Variants in MPP7 observed in about 807,000 individuals in gnomAD.
The protein encoded by MPP7 is MAGUK p55 subfamily member 7.
In MPP7, 60 loss-of-function variants were observed where a neutral mutation model predicts 76.5. That is an observed-to-expected ratio of 0.78 (90% CI 0.64 to 0.97). The LOEUF is 0.97. Among genes scored for constraint, MPP7 ranks in the 50% least tolerant of loss-of-function variants. MPP7 has a pLI of 0.00. For synonymous variants in MPP7, 237 were observed against 244.5 expected (o/e 0.97, Z 0.29); for missense variants, 641 against 694.0 (o/e 0.92, Z 0.86).
intron 2 of MPP7, among the ~76,000 whole-genome samples, chr10:28,219,561 A>T (rs2134056533): frequency 6.6e-6 from 1 of 152,330 alleles, no homozygotes; most frequent in Non-Finnish European, 1.5e-5. Context: ...AATGATAAAA[A>T]AAGATGTTCT....
intron 11 of MPP7, among the ~76,000 whole-genome samples, chr10:28,104,879 G>A (rs1564632459): frequency 6.6e-6 from 1 of 152,048 alleles, no homozygotes; most frequent in African/African-American, 2.4e-5. Context: ...ATTAGAATAA[G>A]TATTTAGACC....
intron 12 of MPP7, among the ~76,000 whole-genome samples, chr10:28,083,519 T>C (rs980553397): frequency 1.3e-5 from 2 of 149,738 alleles, no homozygotes; most frequent in East Asian, 4.0e-4. Flanking sequence ...CATGCTTACA[T>C]GATTTTCTTC....
chr10:28,144,858 A>C (rs1835652545), intron 5 of MPP7, among the ~76,000 whole-genome samples: 1 of 152,178 alleles, frequency 6.6e-6, no homozygotes, highest in Non-Finnish European at 1.5e-5. Context: ...TATCCTCTAT[A>C]ATCTGCATCC....
intron 11 of MPP7, chr10:28,118,171 C>T (rs1834717412): frequency 2.0e-6 from 2 of 985,114 alleles, no homozygotes; most frequent in Non-Finnish European, 2.4e-6. Flanking sequence ...CTTCTACATA[C>T]ACACACAAAC....
chr10:28,234,813 T>G (rs546773751), intron 2 of MPP7, among the ~76,000 whole-genome samples: 1 of 152,146 alleles, frequency 6.6e-6, no homozygotes, highest in Admixed American at 6.5e-5. Flanking sequence ...TTTTGTTTTG[T>G]TGTTTTGTTT....
intron 1 of MPP7, among the ~76,000 whole-genome samples, chr10:28,262,059 G>A (rs970986422): frequency 6.6e-6 from 1 of 150,846 alleles, no homozygotes; most frequent in African/African-American, 2.4e-5. Flanking sequence ...GCTGAGGCAG[G>A]AGAATCGCTT....
intron 1 of MPP7, among the ~76,000 whole-genome samples, chr10:28,286,295 G>A (rs536477875): frequency 1.9e-4 from 29 of 151,866 alleles, no homozygotes; most frequent in Admixed American, 7.9e-4. Context: ...GCAGTGAGCC[G>A]AGATCACGCC....
At chr10:28,179,667 C>T (rs1836996913) in intron 3 of MPP7, among the ~76,000 whole-genome samples, 1 of 152,114 alleles carries the variant, frequency 6.6e-6, no homozygotes, top group African/African-American at 2.4e-5. Flanking sequence ...TAAGCTAGGT[C>T]TCAGATGTCC....
At chr10:28,165,693 C>T (rs1422921710) in intron 3 of MPP7, among the ~76,000 whole-genome samples, 1 of 152,130 alleles carries the variant, frequency 6.6e-6, no homozygotes, top group Non-Finnish European at 1.5e-5. Flanking sequence ...TAAGCACTGA[C>T]TCCTGTCAGG....
At chr10:28,182,286 T>C (rs1409192333) in intron 3 of MPP7, among the ~76,000 whole-genome samples, 1 of 152,224 alleles carries the variant, frequency 6.6e-6, no homozygotes, top group Non-Finnish European at 1.5e-5. Flanking sequence ...GGAGATATTA[T>C]GGTATTTCAA....
chr10:28,121,473 G>A (rs993114795), intron 8 of MPP7, among the ~76,000 whole-genome samples: 19 of 151,648 alleles, frequency 1.3e-4, no homozygotes, highest in African/African-American at 3.1e-4. Context: ...AATATCCAAC[G>A]TAATAGATTA....
rs59550501 is a variant in MPP7 at position 28,057,605 on chromosome 10, CTTTTTTTTT to C, written c.1407+881_1407+889del. ...GCAGAGCAGTGAGCCAATTAAACCT[CTTTTTTTTT>C]TTTTTTTTTTTTTTTTTTTTTAGTA... On this transcript the variant is annotated intron_variant, in intron 15 of 16. Coordinates refer to ENST00000683449, the MANE Select transcript of MPP7 (RefSeq NM_001318170.2). 1,008 of 122,586 alleles carry C rather than the reference CTTTTTTTTT, an allele frequency of 8.2e-3. 12 individuals are homozygous for C. Among genetic ancestry groups the C allele is most frequent in the African/African-American group, 0.046 (684 of 14,804 alleles). The allele number at this position is 122,586 out of a possible 1,614,324, so 7.6% of individuals were successfully genotyped here.
At chr10:28,191,163 C>G (rs1298872235) in intron 3 of MPP7, among the ~76,000 whole-genome samples, 1 of 152,040 alleles carries the variant, frequency 6.6e-6, no homozygotes, top group Non-Finnish European at 1.5e-5. Context: ...CAGCAAGCAC[C>G]AGGTCCAGAT....
In MPP7 at chr10:28,239,561, T is replaced by C. The variant is rs559880555; in HGVS notation, c.-131-826A>G. 2.6e-5 allele frequency among the ~76,000 whole-genome samples: 4 copies of C among 152,352 alleles called. No homozygotes were observed. The East Asian group carries it at 5.8e-4, about 22-fold the overall frequency. On this transcript the variant is annotated intron_variant, in intron 1 of 16. Coordinates refer to ENST00000683449, the MANE Select transcript of MPP7 (RefSeq NM_001318170.2). ...CTAGAATGGAAGCAAGATGTTATTATAGATTTACAGAAGTGTTAGTAATCC... is the reference window on the plus strand; with the variant it reads ...CTAGAATGGAAGCAAGATGTTATTACAGATTTACAGAAGTGTTAGTAATCC...
At chr10:28,263,302 T>C (rs574815067) in intron 1 of MPP7, among the ~76,000 whole-genome samples, 1 of 152,276 alleles carries the variant, frequency 6.6e-6, no homozygotes, top group South Asian at 2.1e-4. Flanking sequence ...GAATGTGACC[T>C]GATGGGCCTG....
intron 3 of MPP7, among the ~76,000 whole-genome samples, chr10:28,161,106 GTGC>G: frequency 6.6e-6 from 1 of 152,282 alleles, no homozygotes. Context: ...CATTGGCCCA[GTGC>G]TGCTATTATC....
intron 3 of MPP7, among the ~76,000 whole-genome samples, chr10:28,158,496 G>A (rs1013708105): frequency 1.3e-5 from 2 of 152,202 alleles, no homozygotes; most frequent in Non-Finnish European, 2.9e-5. Context: ...ATCCCTCATA[G>A]AGAACAGGGG....
intron 11 of MPP7, among the ~76,000 whole-genome samples, chr10:28,099,978 G>A (rs1303386723): frequency 2.0e-5 from 3 of 150,412 alleles, no homozygotes; most frequent in African/African-American, 4.9e-5. Flanking sequence ...TTAATCAGAA[G>A]ATTTTTTAAA....
chr10:28,172,531 G>T (rs548286564), intron 3 of MPP7, among the ~76,000 whole-genome samples: 2 of 152,200 alleles, frequency 1.3e-5, no homozygotes, highest in South Asian at 4.1e-4. Flanking sequence ...GACTGTGGGT[G>T]TAAGAAATAT....
Sources: gnomAD v4.1 joint callset for allele counts (sites outside exome capture counted in the v4.1 genomes callset) on GRCh38, gnomAD v4.1.1 for gene constraint, MANE v1.5 for transcripts, NCBI Gene and HGNC (gene_info 2026-07-23, HGNC 2026-07-21) for gene names.